RPN2: variants seen among roughly 807,000 people sequenced by gnomAD.
RPN2 encodes ribophorin II, also known as dolichyl-diphosphooligosaccharide--protein glycosyltransferase subunit 2.
In RPN2, 29 loss-of-function variants were observed where a neutral mutation model predicts 71.4. The observed-to-expected ratio is 0.41, with a 90% confidence interval of 0.30 to 0.55. RPN2 has a LOEUF of 0.55. Among genes scored for constraint, RPN2 ranks in the 20% least tolerant of loss-of-function variants. The pLI is 0.35. For missense variants in RPN2, 726 were observed against 774.1 expected, an observed-to-expected ratio of 0.94 and a Z score of 0.74; for synonymous variants, 308 against 305.0, an observed-to-expected ratio of 1.01 and a Z score of -0.10.
intron 1 of RPN2, 44 bp from the exon 2 acceptor site, chr20:37,184,136 C>T (rs1257401974): frequency 1.9e-6 from 3 of 1,609,974 alleles, no homozygotes; most frequent in Non-Finnish European, 2.5e-6. Context: ...TGTATAGCAC[C>T]TTGGAAGAGT....
chr20:37,206,053 C>A (rs917196341), intron 6 of RPN2, among the ~76,000 whole-genome samples: 2 of 152,110 alleles, frequency 1.3e-5, no homozygotes, highest in African/African-American at 4.8e-5. Context: ...AAAGAAAATT[C>A]TTTCATGTTG....
chr20:37,206,923 C>T (rs2067523768), intron 6 of RPN2, among the ~76,000 whole-genome samples: 2 of 152,004 alleles, frequency 1.3e-5, no homozygotes, highest in East Asian at 1.9e-4. Flanking sequence ...GTTAGTCAGG[C>T]TGGTCTCGAA....
intron 1 of RPN2, chr20:37,179,601 CGGGTCGCCCCGAGGCTCAGCCGTG>C (rs1384357218): frequency 8.9e-7 from 1 of 1,119,914 alleles, no homozygotes; most frequent in East Asian, 3.0e-5. Context: ...CGCGGAGCTA[CGGGTCGCCCCGAGGCTCAGCCGTG>C]GGGACCGCGG....
intron 13 of RPN2, among the ~76,000 whole-genome samples, chr20:37,231,376 CAAAA>C (rs201796625): frequency 6.8e-6 from 1 of 147,986 alleles, no homozygotes; most frequent in Non-Finnish European, 1.5e-5. Flanking sequence ...AAACAAAAAA[CAAAA>C]AAAAAACCAA....
intron 4 of RPN2, among the ~76,000 whole-genome samples, chr20:37,202,998 C>T (rs1265719525): frequency 6.6e-6 from 1 of 152,044 alleles, no homozygotes; most frequent in African/African-American, 2.4e-5. Context: ...AATCACAGCT[C>T]ACTGAAGCCT....
intron 9 of RPN2, 74 bp downstream of exon 9, chr20:37,213,939 T>C: frequency 9.1e-7 from 1 of 1,100,306 alleles, no homozygotes; most frequent in Non-Finnish European, 1.4e-6. Context: ...ACAGTATTAA[T>C]TGTCTGGTGC....
intron 9 of RPN2, among the ~76,000 whole-genome samples, chr20:37,221,450 G>A (rs904764231): frequency 2.0e-5 from 3 of 151,978 alleles, no homozygotes; most frequent in Non-Finnish European, 2.9e-5. Flanking sequence ...CTCCTGCCTC[G>A]GCCTCCCAAA....
rs2068408594 is a variant in RPN2, at chr20:37,236,785, G to T, written c.1883+76G>T. The T allele has an allele frequency of 8.2e-6, 12 of 1,467,442 alleles. No homozygotes were observed. In the Admixed American group the frequency reaches 2.0e-4, roughly 25 times the overall value. The allele number at this position is 1,467,442 out of a possible 1,614,324, so 90.9% of individuals were successfully genotyped here. The stretch of plus-strand genomic sequence containing the variant: ...CTCTGCCGGCCTAGCTCTTTGAAGG[G>T]TAGGTGGCAAAATGATTTGTGTTCT... On this transcript the variant is annotated intron_variant, in intron 16 of 16. Transcript: ENST00000237530.
intron 9 of RPN2, among the ~76,000 whole-genome samples, chr20:37,221,195 CTTTT>C (rs1176292055): frequency 3.0e-5 from 4 of 135,228 alleles, no homozygotes; most frequent in Admixed American, 7.5e-5. Flanking sequence ...TTACACAATT[CTTTT>C]TTTTTTTTTT....
At position 37,195,559 on chromosome 20, in the gene RPN2, GAGTGC is replaced by G. The variant is rs1600756543; in HGVS notation, c.208-2837_208-2833del. On this transcript the variant is annotated intron_variant, in intron 2 of 16. Transcript: ENST00000237530. Reference sequence around the variant, plus strand: ...CTTACCTGTAAACTTAAGGTGATAAGAGTGCCTGATCCATGAGATAGATTGGGGAT... The same window carrying G: ...CTTACCTGTAAACTTAAGGTGATAAGCTGATCCATGAGATAGATTGGGGAT... Among the ~76,000 whole-genome samples the G allele has an allele frequency of 3.9e-5, 6 of 152,312 alleles. No individual in the cohort carries two copies. In the East Asian group the frequency reaches 1.2e-3, roughly 29 times the overall value.
chr20:37,213,450 G>A (rs900210282), intron 8 of RPN2, among the ~76,000 whole-genome samples: 1 of 152,096 alleles, frequency 6.6e-6, no homozygotes, highest in Admixed American at 6.6e-5. Context: ...TTATCTGGAC[G>A]TGATGGTGCA....
intron 8 of RPN2, among the ~76,000 whole-genome samples, 158 bp downstream of exon 8, chr20:37,210,323 A>G (rs2067627740): frequency 6.6e-6 from 1 of 152,210 alleles, no homozygotes; most frequent in Non-Finnish European, 1.5e-5. Context: ...TTTAAAATGA[A>G]GATTATTTGG....
chr20:37,215,062 AAT>A (rs1165697167), intron 9 of RPN2, among the ~76,000 whole-genome samples: 3 of 152,140 alleles, frequency 2.0e-5, no homozygotes, highest in Admixed American at 2.0e-4. Context: ...TTTATAATGT[AAT>A]ATATTTTCTA....
rs1172233439 is a variant in RPN2, at chr20:37,184,320, T to G, written c.154T>G (p.Phe52Val). Residue 52 changes from phenylalanine to valine, a missense_variant, in exon 2 of 17, where the codon TTC becomes GTC. Physicochemically the swap from Phe to Val is conservative, Grantham distance 50. Transcript: ENST00000237530. ...DRPFTNLESA[F>V]YSIVGLSSLG... ...CCCTTTCACAAATTTGGAATCTGCCTTCTACTCCATCGTGGGACTCAGCAG... is the reference window on the plus strand; with the variant it reads ...CCCTTTCACAAATTTGGAATCTGCCGTCTACTCCATCGTGGGACTCAGCAG... The G allele has an allele frequency of 6.2e-7, 1 of 1,614,202 alleles. No individual in the cohort carries two copies. Among genetic ancestry groups the G allele is most frequent in the East Asian group, 2.2e-5 (1 of 44,878 alleles).
At chr20:37,187,501 CAAA>C (rs532495023) in intron 2 of RPN2, among the ~76,000 whole-genome samples, 2 of 8,742 alleles carry the variant, frequency 2.3e-4, no homozygotes, top group Non-Finnish European at 2.3e-4. Flanking sequence ...GACTCCGTCT[CAAA>C]AAAAAAAAAA....
chr20:37,224,936 T>C (rs2068043516), intron 10 of RPN2, among the ~76,000 whole-genome samples: 1 of 152,212 alleles, frequency 6.6e-6, no homozygotes, highest in Non-Finnish European at 1.5e-5. Flanking sequence ...ACTGAAGAAA[T>C]GTCTGTGCGA....
At chr20:37,239,130 G>C (rs971653623) in intron 16 of RPN2, among the ~76,000 whole-genome samples, 1 of 152,240 alleles carries the variant, frequency 6.6e-6, no homozygotes, top group African/African-American at 2.4e-5. Context: ...TGCTCCGCTA[G>C]ACCAGGGTCT....
chr20:37,190,405 C>T (rs1412861960), intron 2 of RPN2, among the ~76,000 whole-genome samples: 1 of 152,172 alleles, frequency 6.6e-6, no homozygotes, highest in African/African-American at 2.4e-5. Flanking sequence ...TGGTTGCCTT[C>T]AAGGTGTTAA....
In RPN2 at chr20:37,199,043, T is replaced by G. The variant is rs753444079; in HGVS notation, c.304-7T>G. 4 of 1,611,158 alleles carry G rather than the reference T, an allele frequency of 2.5e-6. No homozygotes were observed. The South Asian group carries it at 4.4e-5, about 18-fold the overall frequency. ...CTAAAACTCTGTGTCTGCCAATTCT[T>G]TCTTAGATCTCTATTTCAAATGAGA... On this transcript the variant is annotated splice_polypyrimidine_tract_variant and splice_region_variant and intron_variant, in intron 3 of 16. Coordinates refer to ENST00000237530, the MANE Select transcript of RPN2 (RefSeq NM_002951.5).
Sources: gnomAD v4.1 joint callset for allele counts (sites outside exome capture counted in the v4.1 genomes callset) on GRCh38, gnomAD v4.1.1 for gene constraint, MANE v1.5 for transcripts, NCBI Gene and HGNC (gene_info 2026-07-23, HGNC 2026-07-21) for gene names.